Variants in KLRG1 observed in about 807,000 individuals in gnomAD.
KLRG1 encodes killer cell lectin-like receptor subfamily G member 1.
KLRG1 carries 16 observed loss-of-function variants against 21.8 expected under a neutral mutation model. That is an observed-to-expected ratio of 0.73 (90% CI 0.50 to 1.11). KLRG1 has a LOEUF of 1.11. Ranked by LOEUF, KLRG1 falls within the 50% of genes most tolerant of loss-of-function variation. The pLI is 0.00. For synonymous variants in KLRG1, 69 were observed against 75.9 expected (o/e 0.91, Z 0.47); for missense variants, 173 against 218.3 (o/e 0.79, Z 1.31).
the KLRG1 span, chr12:9,197,151 T>A: frequency 6.8e-7 from 1 of 1,460,378 alleles, no homozygotes; most frequent in South Asian, 1.1e-5. Flanking sequence ...AATCAGGAAT[T>A]GAGAATGGCT....
At chr12:9,146,821 G>C in the KLRG1 span, among the ~76,000 whole-genome samples, 9 of 152,198 alleles carry the variant, frequency 5.9e-5, no homozygotes, top group African/African-American at 1.9e-4. Flanking sequence ...CAGGCAGCCA[G>C]TCTGTGCTGG....
At chr12:8,954,423 C>CA (rs34443402) in intron 1 of KLRG1, among the ~76,000 whole-genome samples, 87 of 146,892 alleles carry the variant, frequency 5.9e-4, no homozygotes, top group Admixed American at 1.6e-3. Context: ...CTCTTACCAC[C>CA]AAAAAAAAAA....
chr12:9,018,067 A>G, the KLRG1 span, among the ~76,000 whole-genome samples: 1 of 152,228 alleles, frequency 6.6e-6, no homozygotes, highest in Non-Finnish European at 1.5e-5. Context: ...AGTGAAAACC[A>G]TACAGTGAAA....
At chr12:9,162,195 CAA>C in the KLRG1 span, 1 of 160,346 alleles carries the variant, frequency 6.2e-6, no homozygotes, top group Non-Finnish European at 1.4e-5. Flanking sequence ...CCCCTGACCT[CAA>C]GTCATCCTCC....
At chr12:9,157,223 G>A in the KLRG1 span, 454 of 1,614,052 alleles carry the variant, frequency 2.8e-4, no homozygotes, top group African/African-American at 5.4e-3. Flanking sequence ...TCTCTATTCT[G>A]ATTTTGCTTT....
the KLRG1 span, among the ~76,000 whole-genome samples, chr12:9,210,724 A>G: frequency 5.9e-5 from 9 of 152,206 alleles, no homozygotes; most frequent in African/African-American, 1.7e-4. Flanking sequence ...TTTTATATAA[A>G]GAGTATTGGA....
At chr12:9,194,098 C>T in the KLRG1 span, 8 of 1,612,974 alleles carry the variant, frequency 5.0e-6, no homozygotes, top group South Asian at 4.4e-5. Context: ...GTTTATTAAC[C>T]GAGATACTGG....
chr12:9,059,311 C>T, the KLRG1 span, among the ~76,000 whole-genome samples: 1 of 152,192 alleles, frequency 6.6e-6, no homozygotes, highest in Admixed American at 6.5e-5. Flanking sequence ...GTTTTGGTTA[C>T]CCATGTGTAA....
chr12:9,033,441 TAA>T, the KLRG1 span, among the ~76,000 whole-genome samples: 1 of 145,848 alleles, frequency 6.9e-6, no homozygotes, highest in Non-Finnish European at 1.5e-5. Flanking sequence ...TGAGACTCTT[TAA>T]AAAAAAAAAA....
the KLRG1 span, chr12:9,109,913 C>A: frequency 6.2e-7 from 1 of 1,613,716 alleles, no homozygotes; most frequent in Non-Finnish European, 8.5e-7. Flanking sequence ...CACCTGATTT[C>A]TTCTGTACCA....
At chr12:9,003,258 T>C (rs1196007115) in intron 3 of KLRG1, among the ~76,000 whole-genome samples, 1 of 152,122 alleles carries the variant, frequency 6.6e-6, no homozygotes, top group African/African-American at 2.4e-5. Flanking sequence ...CCTCTTGAAA[T>C]GAAAGAAAAA....
chr12:9,212,894 A>C, the KLRG1 span, among the ~76,000 whole-genome samples: 1 of 152,212 alleles, frequency 6.6e-6, no homozygotes, highest in South Asian at 2.1e-4. Context: ...CCACTATGAA[A>C]TTATGGAACA....
At chr12:9,059,493 AT>A in the KLRG1 span, among the ~76,000 whole-genome samples, 2 of 152,038 alleles carry the variant, frequency 1.3e-5, no homozygotes, top group African/African-American at 4.8e-5. Flanking sequence ...CCTATTTACC[AT>A]TTTCACTGTG....
the KLRG1 span, chr12:9,201,209 G>A: frequency 7.5e-7 from 1 of 1,325,832 alleles, no homozygotes; most frequent in Non-Finnish European, 1.1e-6. Flanking sequence ...ACAACTGGGA[G>A]TAGGAGGAAT....
At chr12:9,131,992 G>C in the KLRG1 span, among the ~76,000 whole-genome samples, 1 of 152,106 alleles carries the variant, frequency 6.6e-6, no homozygotes, top group East Asian at 1.9e-4. Context: ...CTGCTGGGTA[G>C]GGCTTATGGG....
downstream of KLRG1, among the ~76,000 whole-genome samples, chr12:9,012,554 C>CT (rs1565556419): frequency 6.6e-6 from 1 of 151,810 alleles, no homozygotes; most frequent in African/African-American, 2.4e-5. Context: ...ACATTGTTAG[C>CT]TATGGTAGCC....
the KLRG1 span, among the ~76,000 whole-genome samples, chr12:9,071,438 A>G: frequency 6.6e-6 from 1 of 152,066 alleles, no homozygotes; most frequent in African/African-American, 2.4e-5. Context: ...AAAAATATAT[A>G]TATATATACT....
At chr12:9,102,476 A>C in the KLRG1 span, among the ~76,000 whole-genome samples, 4 of 152,138 alleles carry the variant, frequency 2.6e-5, no homozygotes, top group Non-Finnish European at 4.4e-5. Context: ...TCAGCCTCCC[A>C]AAGTGCTGGG....
chr12:9,071,433 T>C, the KLRG1 span, among the ~76,000 whole-genome samples: 2 of 151,404 alleles, frequency 1.3e-5, no homozygotes, highest in Non-Finnish European at 2.9e-5. Flanking sequence ...ATGAAAAAAA[T>C]ATATATATAT....
Sources: allele counts gnomAD v4.1 joint callset (sites outside exome capture counted in the v4.1 genomes callset), GRCh38; gene constraint gnomAD v4.1.1; transcripts MANE v1.5; gene names NCBI Gene and HGNC (gene_info 2026-07-23, HGNC 2026-07-21).